C2CD3: variants seen among roughly 807,000 people sequenced by gnomAD.
C2CD3 encodes the protein C2 domain-containing protein 3.
In C2CD3, 148 loss-of-function variants were observed where a neutral mutation model predicts 234.0. The ratio of observed to expected loss-of-function variants is 0.63; its 90% CI spans 0.55 to 0.72. The LOEUF (loss-of-function observed/expected upper bound fraction) is 0.72. C2CD3 is among the 30% of genes least tolerant of loss of function. C2CD3 has a pLI of 0.00. For missense variants in C2CD3, 2,577 were observed against 2,811.5 expected, an observed-to-expected ratio of 0.92 and a Z score of 1.89; for synonymous variants, 1,000 against 1,035.4, an observed-to-expected ratio of 0.97 and a Z score of 0.66.
At chr11:74,029,137 C>T (rs987503117) in intron 31 of C2CD3, among the ~76,000 whole-genome samples, 2 of 152,180 alleles carry the variant, frequency 1.3e-5, no homozygotes, top group Non-Finnish European at 2.9e-5. Context: ...TTGAGGTGCT[C>T]AGTGCTGTGT....
intron 32 of C2CD3, among the ~76,000 whole-genome samples, chr11:74,015,617 C>T (rs1951850898): frequency 6.6e-6 from 1 of 152,158 alleles, no homozygotes; most frequent in Admixed American, 6.5e-5. Flanking sequence ...GATGGGAAAA[C>T]AGGCCTTAGA....
At chr11:74,111,868 G>C (rs57593960) in intron 11 of C2CD3, among the ~76,000 whole-genome samples, 2,766 of 149,252 alleles carry the variant, frequency 0.019, 84 homozygotes, top group African/African-American at 0.065. Context: ...TTCCAACGTG[G>C]CCCATGGAAG....
At chr11:74,145,266 T>C (rs1371405137) in intron 3 of C2CD3, among the ~76,000 whole-genome samples, 4 of 152,230 alleles carry the variant, frequency 2.6e-5, no homozygotes, top group Admixed American at 2.6e-4. Context: ...CCATTCTGAC[T>C]GGTGTAAGCC....
At chr11:74,053,677 A>G (rs1041371445) in intron 26 of C2CD3, among the ~76,000 whole-genome samples, 3 of 152,270 alleles carry the variant, frequency 2.0e-5, no homozygotes, top group Admixed American at 6.5e-5. Flanking sequence ...GCTTAATATC[A>G]TCATACAAAC....
chr11:74,036,268 T>C, intron 30 of C2CD3: 1 of 342,070 alleles, frequency 2.9e-6, no homozygotes, highest in South Asian at 2.3e-5. Flanking sequence ...TCATACTTTC[T>C]TTGTGAGAGG....
rs562919072 is a variant in C2CD3, at chr11:74,086,431, C to A, written c.3642-545G>T. ...AAGCAGCAGCTGTCACTCATTTTAG[C>A]CAGACAGGAGGATGTTGGCTGTTTC... On this transcript the variant is annotated intron_variant, in intron 20 of 32. Coordinates refer to ENST00000334126, the MANE Select transcript of C2CD3 (RefSeq NM_001286577.2). Among the ~76,000 whole-genome samples, 4 of 152,290 alleles carry A rather than the reference C, an allele frequency of 2.6e-5. No individual in the cohort carries two copies. The South Asian group carries it at 8.3e-4, about 32-fold the overall frequency.
At chr11:74,159,453 G>A (rs1278438344) in intron 3 of C2CD3, among the ~76,000 whole-genome samples, 4 of 152,066 alleles carry the variant, frequency 2.6e-5, no homozygotes, top group Non-Finnish European at 5.9e-5. Flanking sequence ...AGATATGGAG[G>A]TGGAAGACAG....
rs372902550 is a variant in C2CD3 at position 74,103,348 on chromosome 11, T to C, written c.2363A>G (p.His788Arg). ...PSTFVATPASHNLVNQTNGTT... is the reference protein window; with the variant it reads ...PSTFVATPASRNLVNQTNGTT... Reference sequence around the variant, plus strand: ...CCCATTTGTCTGATTGACTAAATTATGGGAGGCTGGCGTAGCTACGAAGGT... The same window carrying C: ...CCCATTTGTCTGATTGACTAAATTACGGGAGGCTGGCGTAGCTACGAAGGT... The change falls in exon 14 of 33, where the codon CAT (histidine) becomes CGT (arginine). Residue 788 changes from histidine to arginine, a missense_variant. Physicochemically the swap from His to Arg is conservative, Grantham distance 29. Transcript: ENST00000334126. 4.3e-5 allele frequency: 70 copies of C among 1,614,100 alleles called. No individual in the cohort carries two copies. The highest frequency in any genetic ancestry group is 5.5e-5 in the Non-Finnish European group (65 of 1,180,046).
At position 74,161,439 on chromosome 11, in the gene C2CD3, G is replaced by C; in HGVS notation, c.443C>G (p.Thr148Ser). The C allele has an allele frequency of 6.2e-7, 1 of 1,600,096 alleles. No individual in the cohort carries two copies. The highest frequency in any genetic ancestry group is 1.1e-5 in the South Asian group (1 of 88,892). The change falls in exon 3 of 33, where the codon ACC (threonine) becomes AGC (serine). Residue 148 changes from threonine (T) to serine (S), a missense_variant. By Grantham distance (58) the Thr-to-Ser change is moderately conservative. Coordinates refer to ENST00000334126, the MANE Select transcript of C2CD3 (RefSeq NM_001286577.2). The stretch of plus-strand genomic sequence containing the variant: ...TTTCTTAGACGTTGATGAAACAATG[G>C]TAAAAAATCCATTGATTTGATGGGT... The part of the protein sequence containing the change: ...SPTHQINGFF[T>S]IVSSTSKKLG...
At chr11:74,165,850 G>A (rs1590984659) in intron 2 of C2CD3, among the ~76,000 whole-genome samples, 2 of 151,932 alleles carry the variant, frequency 1.3e-5, no homozygotes, top group African/African-American at 4.8e-5. Flanking sequence ...GTAGAAACAG[G>A]GTCTTGCTAT....
intron 1 of C2CD3, among the ~76,000 whole-genome samples, chr11:74,170,309 T>G (rs1167258032): frequency 6.6e-6 from 1 of 152,114 alleles, no homozygotes; most frequent in Non-Finnish European, 1.5e-5. Flanking sequence ...AGTCCTGCTT[T>G]GTACTAATCC....
chr11:74,142,856 C>G (rs540355771), intron 3 of C2CD3, among the ~76,000 whole-genome samples: 1 of 152,280 alleles, frequency 6.6e-6, no homozygotes, highest in African/African-American at 2.4e-5. Flanking sequence ...TTTGCCTCCC[C>G]AATCATGATT....
chr11:74,090,370 A>G (rs1955837199), intron 20 of C2CD3, among the ~76,000 whole-genome samples: 1 of 152,136 alleles, frequency 6.6e-6, no homozygotes, highest in African/African-American at 2.4e-5. Context: ...CCGCCACTGC[A>G]CTCTAGCCTG....
intron 8 of C2CD3, among the ~76,000 whole-genome samples, chr11:74,118,905 A>ATTTT (rs1228553220): frequency 5.5e-5 from 7 of 127,924 alleles, no homozygotes; most frequent in African/African-American, 1.5e-4. Context: ...TGGATAGACT[A>ATTTT]TTTTTTTTTT....
In C2CD3 at chr11:74,033,472, G is replaced by C. The variant is rs1245753650; in HGVS notation, c.6688C>G (p.Leu2230Val). Residue 2230 changes from leucine to valine, a missense_variant, in exon 31 of 33, where the codon CTA (leucine) becomes GTA (valine). Leu to Val is a conservative substitution (Grantham distance 32). Transcript: ENST00000334126. ...DSADSFKKLP[L>V]NLASQSRREN... ...CTTCTGCTCTGGGAGGCTAGATTTA[G>C]CGGCAACTTCTTGAAGCTATCAGCA... The C allele has an allele frequency of 6.5e-7, 1 of 1,536,188 alleles. No homozygotes were observed. Among genetic ancestry groups the C allele is most frequent in the East Asian group, 2.4e-5 (1 of 40,926 alleles).
At chr11:74,142,772 G>A (rs1378685447) in intron 3 of C2CD3, among the ~76,000 whole-genome samples, 5 of 152,098 alleles carry the variant, frequency 3.3e-5, no homozygotes, top group African/African-American at 1.2e-4. Context: ...ATTCCTAGCC[G>A]TCCAAGAGAC....
intron 24 of C2CD3, among the ~76,000 whole-genome samples, chr11:74,062,306 A>G (rs1954287543): frequency 6.6e-6 from 1 of 152,206 alleles, no homozygotes; most frequent in Non-Finnish European, 1.5e-5. Flanking sequence ...TCCACCCCAA[A>G]TCAACAGAAT....
In C2CD3 at chr11:74,024,998, G is replaced by T. The variant is rs529518029; in HGVS notation, c.6921+3289C>A. On this transcript the variant is annotated intron_variant, in intron 32 of 32. Transcript: ENST00000334126. Reference sequence around the variant, plus strand: ...GTGGCTCTGAGAGCAGCAAACAATGGAATGTTGTTAAGGGCAACAAAGAAA... The same window carrying T: ...GTGGCTCTGAGAGCAGCAAACAATGTAATGTTGTTAAGGGCAACAAAGAAA... Among the ~76,000 whole-genome samples, 8 of 152,234 alleles carry T rather than the reference G, an allele frequency of 5.3e-5. No homozygotes were observed. In the South Asian group the frequency reaches 1.7e-3, roughly 32 times the overall value.
intron 25 of C2CD3, among the ~76,000 whole-genome samples, chr11:74,056,949 A>C (rs1373977218): frequency 2.0e-5 from 3 of 150,098 alleles, no homozygotes; most frequent in African/African-American, 7.4e-5. Flanking sequence ...TGCCCAGGCA[A>C]GTCTCGAACT....
Sources: gnomAD v4.1 joint callset for allele counts (sites outside exome capture counted in the v4.1 genomes callset) on GRCh38, gnomAD v4.1.1 for gene constraint, MANE v1.5 for transcripts, NCBI Gene and HGNC (gene_info 2026-07-23, HGNC 2026-07-21) for gene names.